SUGCT: variants seen among roughly 807,000 people sequenced by gnomAD.
SUGCT encodes the protein succinyl-CoA:glutarate-CoA transferase.
In SUGCT, 41 loss-of-function variants were observed where a neutral mutation model predicts 55.0. The ratio of observed to expected loss-of-function variants is 0.74; its 90% CI spans 0.58 to 0.97. The LOEUF (loss-of-function observed/expected upper bound fraction) is 0.97. Ranked by LOEUF, SUGCT falls within the 50% of genes least tolerant of loss-of-function variation. The pLI, the probability that SUGCT is intolerant of heterozygous loss-of-function variation, is 0.00. For missense variants in SUGCT, 568 were observed against 547.8 expected (o/e 1.04, Z -0.37); for synonymous variants, 187 against 200.4 (o/e 0.93, Z 0.56).
intron 12 of SUGCT, among the ~76,000 whole-genome samples, chr7:40,546,323 A>G (rs1186855578): frequency 6.6e-6 from 1 of 152,192 alleles, no homozygotes; most frequent in East Asian, 1.9e-4. Flanking sequence ...TTATACTCAT[A>G]AATTGGCTTT....
intron 11 of SUGCT, among the ~76,000 whole-genome samples, chr7:40,480,676 T>C (rs955546154): frequency 2.6e-5 from 4 of 152,244 alleles, no homozygotes; most frequent in Admixed American, 2.6e-4. Context: ...TCTTCTTTAA[T>C]ATTCTACATT....
At chr7:40,426,073 T>C (rs1027226522) in intron 9 of SUGCT, among the ~76,000 whole-genome samples, 6 of 152,172 alleles carry the variant, frequency 3.9e-5, no homozygotes, top group Non-Finnish European at 8.8e-5. Flanking sequence ...TAATTCCAGG[T>C]GATCAGTCTC....
At chr7:40,327,129 C>T (rs1371023736) in intron 9 of SUGCT, among the ~76,000 whole-genome samples, 2 of 152,186 alleles carry the variant, frequency 1.3e-5, no homozygotes, top group Non-Finnish European at 2.9e-5. Flanking sequence ...TAAATTAAGG[C>T]ATGGATTGTA....
At chr7:40,633,968 A>G (rs908017401) in intron 12 of SUGCT, among the ~76,000 whole-genome samples, 7 of 152,176 alleles carry the variant, frequency 4.6e-5, no homozygotes, top group African/African-American at 1.7e-4. Flanking sequence ...CATGATAAAT[A>G]TGAAATTTTA....
rs369815161 is a variant in SUGCT at position 40,298,940 on chromosome 7, T to G, written c.721-17820T>G. Among the ~76,000 whole-genome samples, 98 of 152,318 alleles carry G rather than the reference T, an allele frequency of 6.4e-4. 2 individuals carry two copies. The South Asian group carries it at 0.02, about 31-fold the overall frequency. ...TTTAAAAAATTTGTTTTTTGCTGACTTCTTACTTTGTGACTTGAAATGTAT... is the reference window on the plus strand; with the variant it reads ...TTTAAAAAATTTGTTTTTTGCTGACGTCTTACTTTGTGACTTGAAATGTAT... On this transcript the variant is annotated intron_variant, in intron 8 of 13. Transcript: ENST00000335693.
the SUGCT span, among the ~76,000 whole-genome samples, chr7:40,895,774 CTG>C: frequency 6.6e-6 from 1 of 152,154 alleles, no homozygotes; most frequent in Non-Finnish European, 1.5e-5. Flanking sequence ...AAGGACAAAA[CTG>C]GAGGCATCAC....
chr7:40,541,115 A>C (rs1204018866), intron 12 of SUGCT, among the ~76,000 whole-genome samples: 1 of 152,242 alleles, frequency 6.6e-6, no homozygotes, highest in African/African-American at 2.4e-5. Context: ...TAATTTAAAA[A>C]TGCCCTCCAG....
chr7:40,749,551 A>T, intron 13 of SUGCT, 54 bp downstream of exon 13: 1 of 1,427,598 alleles, frequency 7.0e-7, no homozygotes, highest in Non-Finnish European at 9.9e-7. Context: ...ATTGTCCCAT[A>T]TGCTGTTTAC....
chr7:40,272,072 T>A (rs909172496), intron 7 of SUGCT, among the ~76,000 whole-genome samples: 4 of 48,108 alleles, frequency 8.3e-5, no homozygotes, highest in Non-Finnish European at 1.4e-4. Context: ...TGTCTCGCTC[T>A]CTCTCTCTCT....
intron 12 of SUGCT, among the ~76,000 whole-genome samples, chr7:40,606,874 G>C (rs1220725130): frequency 6.6e-6 from 1 of 152,148 alleles, no homozygotes; most frequent in African/African-American, 2.4e-5. Context: ...TCCTTTTTGG[G>C]TGGGCCTTGG....
chr7:40,318,902 T>A (rs1400382942), intron 9 of SUGCT, among the ~76,000 whole-genome samples: 2 of 152,222 alleles, frequency 1.3e-5, no homozygotes, highest in Non-Finnish European at 2.9e-5. Flanking sequence ...TTAAAAAGCT[T>A]TATATAGACC....
At chr7:40,775,291 C>A (rs1043891166) in intron 13 of SUGCT, among the ~76,000 whole-genome samples, 1 of 152,210 alleles carries the variant, frequency 6.6e-6, no homozygotes, top group Non-Finnish European at 1.5e-5. Context: ...CAATTACGTA[C>A]CCTGACTTAC....
chr7:40,949,117 T>C, the SUGCT span, among the ~76,000 whole-genome samples: 1 of 152,220 alleles, frequency 6.6e-6, no homozygotes, highest in African/African-American at 2.4e-5. Context: ...CCAGCATCTG[T>C]TGTTTCCTGA....
intron 11 of SUGCT, among the ~76,000 whole-genome samples, chr7:40,473,838 A>G (rs538386790): frequency 6.6e-6 from 1 of 152,316 alleles, no homozygotes; most frequent in East Asian, 1.9e-4. Context: ...AAGGGTGGCC[A>G]ATCAGGTAAG....
chr7:40,614,449 A>G (rs1426487603), intron 12 of SUGCT, among the ~76,000 whole-genome samples: 5 of 152,174 alleles, frequency 3.3e-5, no homozygotes, highest in Non-Finnish European at 7.3e-5. Flanking sequence ...TCATATGCTG[A>G]CATCTTTATT....
chr7:40,284,498 C>T (rs1762672010), intron 8 of SUGCT, among the ~76,000 whole-genome samples: 1 of 151,348 alleles, frequency 6.6e-6, no homozygotes, highest in Non-Finnish European at 1.5e-5. Context: ...ATCCCAGCTA[C>T]TCTGGAGGCT....
intron 12 of SUGCT, among the ~76,000 whole-genome samples, chr7:40,594,440 A>G (rs1381946488): frequency 1.3e-5 from 2 of 152,104 alleles, no homozygotes; most frequent in South Asian, 2.1e-4. Context: ...TTTCATATCC[A>G]GTTATTATGA....
At chr7:40,370,605 A>G (rs748677814) in intron 9 of SUGCT, among the ~76,000 whole-genome samples, 76 of 141,022 alleles carry the variant, frequency 5.4e-4, no homozygotes, top group Non-Finnish European at 9.7e-4. Context: ...GGAGAGAGAG[A>G]GAGGAGAGAG....
At chr7:40,993,004 T>G in the SUGCT span, among the ~76,000 whole-genome samples, 4 of 152,102 alleles carry the variant, frequency 2.6e-5, no homozygotes. Flanking sequence ...CAAGGGAAAT[T>G]GGTTCCCTGG....
Sources: gnomAD v4.1 joint callset for allele counts (sites outside exome capture counted in the v4.1 genomes callset) on GRCh38, gnomAD v4.1.1 for gene constraint, MANE v1.5 for transcripts, NCBI Gene and HGNC (gene_info 2026-07-23, HGNC 2026-07-21) for gene names.